RFFL: variants seen among roughly 807,000 people sequenced by gnomAD.
RFFL encodes the protein ring finger and FYVE like domain containing E3 ubiquitin protein ligase.
RFFL carries 16 observed loss-of-function variants against 40.4 expected under a neutral mutation model. That is an observed-to-expected ratio of 0.40 (90% CI 0.27 to 0.60). The LOEUF is 0.60. Among genes scored for constraint, RFFL ranks in the 20% least tolerant of loss-of-function variants. The pLI is 0.47. For synonymous variants in RFFL, 154 were observed against 167.9 expected, an observed-to-expected ratio of 0.92 and a Z score of 0.64; for missense variants, 367 against 451.7, an observed-to-expected ratio of 0.81 and a Z score of 1.70.
chr17:35,045,383 C>T (rs1054143252), intron 1 of RFFL, among the ~76,000 whole-genome samples: 23 of 151,936 alleles, frequency 1.5e-4, no homozygotes, highest in Non-Finnish European at 2.8e-4. Context: ...CAGGCACGTG[C>T]CACCATGCCT....
intron 1 of RFFL, among the ~76,000 whole-genome samples, chr17:35,046,071 G>A (rs1035432426): frequency 6.6e-6 from 1 of 151,462 alleles, no homozygotes; most frequent in Non-Finnish European, 1.5e-5. Flanking sequence ...ATGATTCCGG[G>A]ATGATCAGTA....
intron 1 of RFFL, 156 bp from the exon 2 acceptor site, chr17:35,026,717 C>A (rs1597817584): frequency 1.7e-5 from 11 of 633,832 alleles, no homozygotes. Context: ...TGTTTTTCTT[C>A]TTTTTGAGAT....
intron 2 of RFFL, among the ~76,000 whole-genome samples, chr17:35,024,995 G>A (rs1379822141): frequency 6.6e-6 from 1 of 152,130 alleles, no homozygotes. Context: ...CCCTCCAGAA[G>A]CTCTTGTTAC....
chr17:35,015,917 AG>A (rs2090970254), intron 5 of RFFL, among the ~76,000 whole-genome samples: 1 of 152,206 alleles, frequency 6.6e-6, no homozygotes, highest in Non-Finnish European at 1.5e-5. Context: ...AATGAACAAA[AG>A]GAAGAGCCCA....
intron 1 of RFFL, among the ~76,000 whole-genome samples, chr17:35,078,559 C>T (rs2091388562): frequency 6.6e-6 from 1 of 152,178 alleles, no homozygotes; most frequent in South Asian, 2.1e-4. Flanking sequence ...GCCTTGGCCT[C>T]CCAAAGTGCC....
intron 1 of RFFL, among the ~76,000 whole-genome samples, chr17:35,077,784 T>C (rs1157374524): frequency 6.6e-6 from 1 of 152,244 alleles, no homozygotes; most frequent in Non-Finnish European, 1.5e-5. Flanking sequence ...TTAGTGTTAG[T>C]GTATTTTATG....
chr17:35,042,879 AG>A (rs1301391372), intron 1 of RFFL, among the ~76,000 whole-genome samples: 2 of 151,786 alleles, frequency 1.3e-5, no homozygotes, highest in Non-Finnish European at 2.9e-5. Flanking sequence ...CCTAAGTCAT[AG>A]AGAAGACATG....
At chr17:35,065,107 C>T (rs760837041), upstream of RFFL, among the ~76,000 whole-genome samples, 2 of 151,942 alleles carry the variant, frequency 1.3e-5, no homozygotes, top group East Asian at 1.9e-4. Flanking sequence ...CAACCATTAT[C>T]TCTTCAACCA....
chr17:35,088,057 A>G (rs941451261), intron 1 of RFFL, among the ~76,000 whole-genome samples: 3 of 152,176 alleles, frequency 2.0e-5, no homozygotes, highest in African/African-American at 7.2e-5. Flanking sequence ...TCACGGGGAG[A>G]ATAAGGCACC....
rs146994999 is a variant in RFFL, at chr17:35,053,566, C to A, written c.-9+10010G>T. Among the ~76,000 whole-genome samples, 13 of 152,256 alleles carry A rather than the reference C, an allele frequency of 8.5e-5. No homozygotes were observed. In the East Asian group the frequency reaches 2.5e-3, roughly 29 times the overall value. On this transcript the variant is annotated intron_variant, in intron 1 of 6. Coordinates refer to ENST00000394597, the MANE Select transcript of RFFL (RefSeq NM_001017368.2). The stretch of plus-strand genomic sequence containing the variant: ...AGGGGCAGAGGGACTTGGTTCAAAT[C>A]TCAGTTCAGCATCTTATCAGCTTGA...
At chr17:35,037,968 A>G (rs2091134022) in intron 1 of RFFL, among the ~76,000 whole-genome samples, 2 of 152,324 alleles carry the variant, frequency 1.3e-5, no homozygotes, top group South Asian at 4.1e-4. Flanking sequence ...AAAAAGAGAT[A>G]CTAGCAAATG....
chr17:35,088,785 C>A (rs2091443559), intron 1 of RFFL: 1 of 152,302 alleles, frequency 6.6e-6, no homozygotes, highest in Admixed American at 6.5e-5. Context: ...CTTTTCCCCA[C>A]AAGCCAACTA....
intron 1 of RFFL, among the ~76,000 whole-genome samples, chr17:35,047,935 A>G (rs1011119374): frequency 1.3e-4 from 19 of 151,672 alleles, no homozygotes; most frequent in Non-Finnish European, 2.4e-4. Flanking sequence ...TATTTTTAGT[A>G]GAGACGGGGT....
At chr17:35,020,136 T>C (rs1452501211) in intron 3 of RFFL, among the ~76,000 whole-genome samples, 1 of 152,180 alleles carries the variant, frequency 6.6e-6, no homozygotes, top group Admixed American at 6.5e-5. Context: ...ACTAACCTCA[T>C]TTCATTGTTG....
At chr17:35,042,823 C>CAAAAAA (rs11296826) in intron 1 of RFFL, among the ~76,000 whole-genome samples, 63 of 60,172 alleles carry the variant, frequency 1.0e-3, no homozygotes, top group Non-Finnish European at 1.3e-3. Flanking sequence ...GACTCCATCT[C>CAAAAAA]AAAAAAAAAA....
rs2091182116 is a variant in RFFL, at chr17:35,043,951, A to G, written c.-8-17390T>C. 2.0e-5 allele frequency among the ~76,000 whole-genome samples: 3 copies of G among 152,210 alleles called. No individual in the cohort carries two copies. The South Asian group carries it at 6.2e-4, about 31-fold the overall frequency. On this transcript the variant is annotated intron_variant, in intron 1 of 6. Coordinates refer to ENST00000394597, the MANE Select transcript of RFFL (RefSeq NM_001017368.2). Reference sequence around the variant, plus strand: ...CTGCATTTCTAGTTTCTACAAGTTCAGGGTACCAGTGATACAGACCCCCAA... The same window carrying G: ...CTGCATTTCTAGTTTCTACAAGTTCGGGGTACCAGTGATACAGACCCCCAA...
chr17:35,049,704 G>A (rs1030103795), intron 1 of RFFL, among the ~76,000 whole-genome samples: 9 of 152,150 alleles, frequency 5.9e-5, no homozygotes, highest in South Asian at 2.1e-4. Context: ...ACAAACACCC[G>A]GTAGTTATTT....
In RFFL at chr17:35,056,916, C is replaced by CT. The variant is rs2091264865; in HGVS notation, c.-9+6659dup. ...GTGTCCCACCACCCTTTTTTTTTTTCTTTTTCTTTTTTTTTGAGACAGAGT... is the reference window on the plus strand; with the variant it reads ...GTGTCCCACCACCCTTTTTTTTTTTCTTTTTTCTTTTTTTTTGAGACAGAGT... On this transcript the variant is annotated intron_variant, in intron 1 of 6. Coordinates refer to ENST00000394597, the MANE Select transcript of RFFL (RefSeq NM_001017368.2). Among the ~76,000 whole-genome samples the CT allele has an allele frequency of 8.3e-5, 12 of 144,934 alleles. No homozygotes were observed. The South Asian group carries it at 2.6e-3, about 32-fold the overall frequency.
At chr17:35,029,139 A>G (rs1474195779) in intron 1 of RFFL, among the ~76,000 whole-genome samples, 3 of 151,966 alleles carry the variant, frequency 2.0e-5, no homozygotes, top group Non-Finnish European at 4.4e-5. Context: ...AGTTCCCAGG[A>G]GAGGAACTTA....
Sources: gnomAD v4.1 joint callset for allele counts (sites outside exome capture counted in the v4.1 genomes callset) on GRCh38, gnomAD v4.1.1 for gene constraint, MANE v1.5 for transcripts, NCBI Gene and HGNC (gene_info 2026-07-23, HGNC 2026-07-21) for gene names.